TBL1XR1: variants seen among roughly 807,000 people sequenced by gnomAD.
TBL1XR1 encodes TBL1X/Y related 1.
Under a neutral mutation model 66.9 loss-of-function variants are expected in TBL1XR1, and 5 were observed. The ratio of observed to expected loss-of-function variants is 0.07; its 90% CI spans 0.04 to 0.16. TBL1XR1 has a LOEUF of 0.16. TBL1XR1 is among the 10% of genes least tolerant of loss of function. The probability of loss-of-function intolerance (pLI) is 1.00; values close to 1 mark genes in which losing one functional copy is unlikely to be tolerated. For synonymous variants in TBL1XR1, 210 were observed against 206.0 expected, an observed-to-expected ratio of 1.02 and a Z score of -0.17; for missense variants, 238 against 623.2, an observed-to-expected ratio of 0.38 and a Z score of 6.58.
intron 2 of TBL1XR1, among the ~76,000 whole-genome samples, chr3:177,072,012 C>T (rs768029771): frequency 2.0e-5 from 3 of 152,174 alleles, no homozygotes; most frequent in South Asian, 2.1e-4. Flanking sequence ...TGAGGCCCTA[C>T]CGTGTACATT....
At chr3:177,036,432 C>T (rs1282983486) in intron 12 of TBL1XR1, among the ~76,000 whole-genome samples, 1 of 152,180 alleles carries the variant, frequency 6.6e-6, no homozygotes, top group African/African-American at 2.4e-5. Flanking sequence ...CTAGTTTTTG[C>T]TTTAAAATCC....
chr3:177,026,531 A>C, intron 14 of TBL1XR1, 57 bp from the exon 15 acceptor site: 2 of 1,240,382 alleles, frequency 1.6e-6, no homozygotes, highest in South Asian at 3.2e-5. Context: ...AATAAATCCA[A>C]ATGCTGAAAT....
intron 10 of TBL1XR1, among the ~76,000 whole-genome samples, chr3:177,039,050 C>A (rs1715205806): frequency 6.6e-6 from 1 of 152,152 alleles, no homozygotes; most frequent in African/African-American, 2.4e-5. Context: ...TTAATACAAA[C>A]TTTACTTCAT....
intron 1 of TBL1XR1, among the ~76,000 whole-genome samples, chr3:177,132,092 C>G (rs987414538): frequency 1.3e-5 from 2 of 152,190 alleles, no homozygotes; most frequent in African/African-American, 2.4e-5. Context: ...TATGGCCTGT[C>G]TGTACCGGCT....
chr3:177,166,032 G>A (rs1251513671), intron 1 of TBL1XR1, among the ~76,000 whole-genome samples: 2 of 152,094 alleles, frequency 1.3e-5, no homozygotes, highest in East Asian at 3.9e-4. Context: ...GGAGGTTGCA[G>A]GAAGCCAAGA....
chr3:177,131,456 G>T, intron 1 of TBL1XR1: 2 of 848,914 alleles, frequency 2.4e-6, no homozygotes, highest in Non-Finnish European at 2.8e-6. Flanking sequence ...ACACCTAAAA[G>T]TTGAGAAAAC....
Position 177,108,101 on chromosome 3 carries a change from C to A in TBL1XR1, c.-121-9560G>T, listed in dbSNP as rs1353322823. On this transcript the variant is annotated intron_variant, in intron 1 of 15. Coordinates refer to ENST00000457928, the MANE Select transcript of TBL1XR1 (RefSeq NM_024665.7). Reference sequence around the variant, plus strand: ...ACTCTGAAGCAATTCCCAGAACCATCCAAATTTCTACAGATCCAGGATAAA... The same window carrying A: ...ACTCTGAAGCAATTCCCAGAACCATACAAATTTCTACAGATCCAGGATAAA... Among the ~76,000 whole-genome samples the A allele has an allele frequency of 2.0e-5, 3 of 151,666 alleles. No individual in the cohort carries two copies. The East Asian group carries it at 5.8e-4, about 29-fold the overall frequency.
intron 1 of TBL1XR1, among the ~76,000 whole-genome samples, chr3:177,115,822 T>C (rs1726238956): frequency 6.6e-6 from 1 of 152,238 alleles, no homozygotes; most frequent in Admixed American, 6.5e-5. Context: ...TTCAGCCTCC[T>C]TGCTAACATA....
intron 1 of TBL1XR1, among the ~76,000 whole-genome samples, chr3:177,122,731 T>G (rs570650439): frequency 6.6e-6 from 1 of 152,230 alleles, no homozygotes; most frequent in African/African-American, 2.4e-5. Context: ...TGGAGATAGC[T>G]GCAAATCAAA....
upstream of TBL1XR1, chr3:177,201,639 C>G (rs1737343294): frequency 2.0e-5 from 3 of 152,096 alleles, no homozygotes; most frequent in East Asian, 5.8e-4. Flanking sequence ...ATTAGCTCAT[C>G]TACATAAAGT....
chr3:177,147,976 T>C (rs551091210), intron 1 of TBL1XR1, among the ~76,000 whole-genome samples: 7 of 152,334 alleles, frequency 4.6e-5, no homozygotes, highest in African/African-American at 1.7e-4. Flanking sequence ...CTGGTAGCAA[T>C]ATGGTAACAC....
intron 1 of TBL1XR1, among the ~76,000 whole-genome samples, chr3:177,181,014 C>T (rs998077701): frequency 4.6e-5 from 7 of 151,998 alleles, no homozygotes; most frequent in African/African-American, 1.2e-4. Flanking sequence ...GGATTAGAGG[C>T]GTGACCCATG....
chr3:177,093,264 C>A (rs960030959), intron 2 of TBL1XR1, among the ~76,000 whole-genome samples: 13 of 152,012 alleles, frequency 8.6e-5, no homozygotes, highest in Non-Finnish European at 2.9e-5. Flanking sequence ...ATATACCTAA[C>A]CAAGGAGATG....
At chr3:177,041,445 C>G (rs143747898) in intron 10 of TBL1XR1, among the ~76,000 whole-genome samples, 17 of 152,216 alleles carry the variant, frequency 1.1e-4, no homozygotes, top group Middle Eastern at 3.2e-3. Flanking sequence ...TCCCTCCCCC[C>G]CATCCTGCTT....
chr3:177,194,700 C>A (rs1461126731), intron 1 of TBL1XR1, among the ~76,000 whole-genome samples: 1 of 152,156 alleles, frequency 6.6e-6, no homozygotes, highest in East Asian at 1.9e-4. Context: ...ATATTACCTT[C>A]TGTTAGCTTG....
chr3:177,200,528 G>A (rs1224512060), upstream of TBL1XR1, among the ~76,000 whole-genome samples: 1 of 152,150 alleles, frequency 6.6e-6, no homozygotes, highest in Admixed American at 6.5e-5. Flanking sequence ...GATCAGGGCT[G>A]CACCAAAATA....
chr3:177,151,456 C>T (rs1437036389), intron 1 of TBL1XR1, among the ~76,000 whole-genome samples: 9 of 152,168 alleles, frequency 5.9e-5, no homozygotes, highest in Non-Finnish European at 1.0e-4. Context: ...CTCACAGGAG[C>T]GTGAACCCTA....
At chr3:177,098,332 A>T (rs946115174) in intron 2 of TBL1XR1, 134 bp downstream of exon 2, 3 of 299,090 alleles carry the variant, frequency 1.0e-5, no homozygotes, top group Non-Finnish European at 1.5e-5. Context: ...AGAATAAAAA[A>T]TTTAAAAAAA....
intron 10 of TBL1XR1, among the ~76,000 whole-genome samples, chr3:177,044,167 C>A (rs574730667): frequency 1.3e-5 from 2 of 152,278 alleles, no homozygotes; most frequent in African/African-American, 4.8e-5. Context: ...CACTTTTCAT[C>A]TCACATGTTG....
Sources: gnomAD v4.1 joint callset for allele counts (sites outside exome capture counted in the v4.1 genomes callset) on GRCh38, gnomAD v4.1.1 for gene constraint, MANE v1.5 for transcripts, NCBI Gene and HGNC (gene_info 2026-07-23, HGNC 2026-07-21) for gene names.